The following LRRC4C variants were observed in gnomAD, a reference collection of about 807,000 sequenced individuals.
LRRC4C encodes the protein leucine-rich repeat-containing protein 4C.
In LRRC4C, 5 loss-of-function variants were observed where a neutral mutation model predicts 33.6. The ratio of observed to expected loss-of-function variants is 0.15; its 90% CI spans 0.08 to 0.31. LRRC4C has a LOEUF of 0.31. LRRC4C is among the 10% of genes least tolerant of loss of function. The pLI is 1.00. For missense variants in LRRC4C, 560 were observed against 796.7 expected, an observed-to-expected ratio of 0.70 and a Z score of 3.58; for synonymous variants, 329 against 302.0, an observed-to-expected ratio of 1.09 and a Z score of -0.93.
chr11:40,817,280 TAAA>T (rs1170316326), intron 2 of LRRC4C, among the ~76,000 whole-genome samples: 1 of 151,956 alleles, frequency 6.6e-6, no homozygotes, highest in African/African-American at 2.4e-5. Flanking sequence ...CATAATAAAA[TAAA>T]AAGAGAGAGA....
intron 1 of LRRC4C, among the ~76,000 whole-genome samples, chr11:41,127,347 CTCT>C (rs927810237): frequency 2.0e-5 from 3 of 151,550 alleles, no homozygotes; most frequent in East Asian, 1.9e-4. Flanking sequence ...TTTCCTCTTC[CTCT>C]TCTTCTTTTA....
At chr11:40,882,123 C>G (rs1398894704) in intron 2 of LRRC4C, among the ~76,000 whole-genome samples, 1 of 152,002 alleles carries the variant, frequency 6.6e-6, no homozygotes, top group Non-Finnish European at 1.5e-5. Context: ...GGAATGGCTG[C>G]TTTCCAATAA....
At chr11:40,674,722 A>G (rs1944310549) in intron 2 of LRRC4C, among the ~76,000 whole-genome samples, 1 of 152,214 alleles carries the variant, frequency 6.6e-6, no homozygotes, top group African/African-American at 2.4e-5. Flanking sequence ...AAATATAATA[A>G]TAATGATGAT....
chr11:41,162,261 C>G (rs1944506072), intron 1 of LRRC4C, among the ~76,000 whole-genome samples: 1 of 152,118 alleles, frequency 6.6e-6, no homozygotes, highest in African/African-American at 2.4e-5. Context: ...AGCTATGTCA[C>G]CCATCTTGCC....
intron 2 of LRRC4C, among the ~76,000 whole-genome samples, chr11:40,693,456 AT>A (rs1945323422): frequency 6.6e-6 from 1 of 152,152 alleles, no homozygotes; most frequent in Admixed American, 6.6e-5. Flanking sequence ...ATAAATCTGA[AT>A]GAAGCAAAGT....
At chr11:41,086,727 T>A (rs1166108572) in intron 1 of LRRC4C, among the ~76,000 whole-genome samples, 2 of 152,164 alleles carry the variant, frequency 1.3e-5, no homozygotes, top group African/African-American at 4.8e-5. Flanking sequence ...AGCTAAAAAC[T>A]GCTATGGTGA....
chr11:40,463,264 G>A (rs117679229), intron 3 of LRRC4C, among the ~76,000 whole-genome samples: 1,892 of 151,366 alleles, frequency 0.012, 16 homozygotes, highest in Non-Finnish European at 0.018. Context: ...TAGAGGCATA[G>A]AAGTATTATT....
At chr11:40,884,597 C>T (rs1371777232) in intron 2 of LRRC4C, among the ~76,000 whole-genome samples, 1 of 151,960 alleles carries the variant, frequency 6.6e-6, no homozygotes, top group Non-Finnish European at 1.5e-5. Flanking sequence ...AAAGCTGAAG[C>T]AGTAGGGAAT....
intron 2 of LRRC4C, among the ~76,000 whole-genome samples, chr11:40,875,365 A>G (rs1480878718): frequency 6.6e-6 from 1 of 152,198 alleles, no homozygotes; most frequent in African/African-American, 2.4e-5. Context: ...AAGAAAGCAG[A>G]ATGTATGTTG....
intron 5 of LRRC4C, among the ~76,000 whole-genome samples, chr11:40,180,203 A>C (rs1860870182): frequency 6.6e-6 from 1 of 152,246 alleles, no homozygotes; most frequent in South Asian, 2.1e-4. Context: ...TTATCAAATC[A>C]GCTAAGAAAT....
At chr11:40,704,946 T>A (rs764569619) in intron 2 of LRRC4C, among the ~76,000 whole-genome samples, 3 of 152,068 alleles carry the variant, frequency 2.0e-5, no homozygotes, top group African/African-American at 7.2e-5. Flanking sequence ...AAATTTGATA[T>A]TAATATTAAA....
chr11:40,370,504 C>G (rs1590484716), intron 3 of LRRC4C, among the ~76,000 whole-genome samples: 1 of 152,128 alleles, frequency 6.6e-6, no homozygotes, highest in African/African-American at 2.4e-5. Context: ...ACAAAAATTT[C>G]TTTACTTAAT....
chr11:40,187,903 C>A (rs866334370), intron 5 of LRRC4C, among the ~76,000 whole-genome samples: 3 of 151,702 alleles, frequency 2.0e-5, no homozygotes, highest in Non-Finnish European at 4.4e-5. Context: ...GTGTGGGGGT[C>A]GGGGAAAGAG....
chr11:40,486,520 T>C (rs982047211), intron 3 of LRRC4C, among the ~76,000 whole-genome samples: 1 of 152,040 alleles, frequency 6.6e-6, no homozygotes, highest in Non-Finnish European at 1.5e-5. Context: ...AAAAATACTG[T>C]GTAAGAATTT....
chr11:40,170,240 A>G (rs189404042), intron 5 of LRRC4C, among the ~76,000 whole-genome samples: 1 of 152,324 alleles, frequency 6.6e-6, no homozygotes, highest in South Asian at 2.1e-4. Context: ...TTACCTAATG[A>G]CTCATCACCC....
chr11:41,245,796 G>A (rs776695745), intron 1 of LRRC4C, among the ~76,000 whole-genome samples: 1 of 152,198 alleles, frequency 6.6e-6, no homozygotes, highest in Admixed American at 6.5e-5. Context: ...AGGGTGGAGG[G>A]TGAGCAAGGT....
chr11:40,510,799 A>C (rs1955277093), intron 3 of LRRC4C, among the ~76,000 whole-genome samples: 1 of 152,168 alleles, frequency 6.6e-6, no homozygotes, highest in Non-Finnish European at 1.5e-5. Context: ...GAGAGTCTAG[A>C]GAGATGGCGA....
At chr11:40,272,051 T>C (rs1486325185) in intron 4 of LRRC4C, among the ~76,000 whole-genome samples, 1 of 152,270 alleles carries the variant, frequency 6.6e-6, no homozygotes, top group East Asian at 1.9e-4. Context: ...GCACATTACA[T>C]TGAACATTCT....
chr11:40,344,287 A>G (rs200201499), intron 3 of LRRC4C, among the ~76,000 whole-genome samples: 2 of 152,302 alleles, frequency 1.3e-5, no homozygotes, highest in East Asian at 3.9e-4. Context: ...GCAGCACATT[A>G]AAAAGTGAAT....
Sources: gnomAD v4.1 joint callset for allele counts (sites outside exome capture counted in the v4.1 genomes callset) on GRCh38, gnomAD v4.1.1 for gene constraint, MANE v1.5 for transcripts, NCBI Gene and HGNC (gene_info 2026-07-23, HGNC 2026-07-21) for gene names.